The following ERMARD variants were observed in gnomAD, a reference collection of about 807,000 sequenced individuals.
The protein encoded by ERMARD is ER membrane associated RNA degradation.
In ERMARD, 71 loss-of-function variants were observed where a neutral mutation model predicts 83.9. The observed-to-expected ratio is 0.85, with a 90% CI of 0.70 to 1.03. The LOEUF (loss-of-function observed/expected upper bound fraction) is 1.03. Ranked by LOEUF, ERMARD falls within the 50% of genes least tolerant of loss-of-function variation. The pLI is 0.00. For missense variants in ERMARD, 838 were observed against 810.9 expected, an observed-to-expected ratio of 1.03 and a Z score of -0.41; for synonymous variants, 284 against 298.6, an observed-to-expected ratio of 0.95 and a Z score of 0.50.
Position 169,776,437 on chromosome 6 carries a change from G to A in ERMARD, c.1521-18G>A. Reference sequence around the variant, plus strand: ...GTGAGGATCATGATGCCTGCTCCAAGTCTGGCTCTGTTTGCAGGTGGCCCC... The same window carrying A: ...GTGAGGATCATGATGCCTGCTCCAAATCTGGCTCTGTTTGCAGGTGGCCCC... On this transcript the variant is annotated intron_variant, in intron 15 of 17. Coordinates refer to ENST00000366773, the MANE Select transcript of ERMARD (RefSeq NM_018341.3). 6.2e-7 allele frequency: 1 copy of A among 1,609,838 alleles called. No homozygotes were observed. The highest frequency in any genetic ancestry group is 8.5e-7 in the Non-Finnish European group (1 of 1,178,014).
chr6:169,762,723 G>A (rs1375599075), intron 9 of ERMARD, among the ~76,000 whole-genome samples, 192 bp downstream of exon 9: 2 of 152,152 alleles, frequency 1.3e-5, no homozygotes, highest in Admixed American at 1.3e-4. Context: ...TGATATTTCT[G>A]TAATATTTCT....
chr6:169,778,959 A>G (rs1562354137), intron 16 of ERMARD, among the ~76,000 whole-genome samples: 1 of 152,228 alleles, frequency 6.6e-6, no homozygotes, highest in African/African-American at 2.4e-5. Flanking sequence ...AGAGCAAGAA[A>G]TGCGGACGTG....
chr6:169,751,789 T>G, intron 1 of ERMARD, 126 bp downstream of exon 1: 1 of 1,333,448 alleles, frequency 7.5e-7, no homozygotes, highest in Non-Finnish European at 9.8e-7. Flanking sequence ...GGTCCCGCGC[T>G]GGAGGGCGCT....
chr6:169,769,460 T>C, intron 11 of ERMARD, 80 bp from the exon 12 acceptor site: 4 of 1,358,766 alleles, frequency 2.9e-6, no homozygotes, highest in Non-Finnish European at 3.9e-6. Context: ...GATGCACTCT[T>C]TCCTTCTATT....
At chr6:169,762,345 G>A in intron 8 of ERMARD, 84 bp from the exon 9 acceptor site, 2 of 1,281,394 alleles carry the variant, frequency 1.6e-6, no homozygotes, top group Middle Eastern at 3.8e-4. Context: ...AAAATGCTGG[G>A]ATTACAGGCA....
chr6:169,775,430 T>A, intron 14 of ERMARD, 84 bp downstream of exon 14: 1 of 1,471,994 alleles, frequency 6.8e-7, no homozygotes, highest in Non-Finnish European at 9.4e-7. Context: ...AACGAGGCTG[T>A]GGGAAGATAA....
At chr6:169,763,076 C>T (rs144461667) in intron 9 of ERMARD, among the ~76,000 whole-genome samples, 4 of 152,308 alleles carry the variant, frequency 2.6e-5, no homozygotes, top group South Asian at 2.1e-4. Flanking sequence ...GACCCCCGGT[C>T]GCCCTGTCTG....
intron 12 of ERMARD, 151 bp downstream of exon 12, chr6:169,769,864 T>A (rs1476960412): frequency 1.6e-6 from 1 of 644,230 alleles, no homozygotes; most frequent in Non-Finnish European, 2.5e-6. Context: ...ATGGATTACA[T>A]GTATGTTTAT....
At chr6:169,778,433 C>T (rs555677173) in intron 16 of ERMARD, among the ~76,000 whole-genome samples, 1 of 152,202 alleles carries the variant, frequency 6.6e-6, no homozygotes, top group African/African-American at 2.4e-5. Flanking sequence ...TAAAATATAA[C>T]AGCAGATTAA....
chr6:169,760,595 TCAG>T, intron 7 of ERMARD, 44 bp from the exon 8 acceptor site: 1 of 1,354,002 alleles, frequency 7.4e-7, no homozygotes, highest in Non-Finnish European at 1.0e-6. Flanking sequence ...CCATCTTTTT[TCAG>T]TTGATCAGTA....
Position 169,758,871 on chromosome 6 carries a change from C to G in ERMARD, c.508-97C>G, listed in dbSNP as rs1226484682. 7 of 1,109,912 alleles carry G rather than the reference C, an allele frequency of 6.3e-6. No individual in the cohort carries two copies. The Admixed American group carries it at 1.5e-4, about 23-fold the overall frequency. The allele number at this position is 1,109,912 out of a possible 1,614,324, so 68.8% of individuals were successfully genotyped here. A position where few individuals can be genotyped will look rare whatever the true frequency, so the allele number is the denominator to read the frequency against. On this transcript the variant is annotated intron_variant, in intron 5 of 17. Transcript: ENST00000366773. ...GCTATATACTAGCCAAAACTGTTGA[C>G]TCTCAGTTAAAAAGAGGAACACAAA...
At chr6:169,765,897 G>T (rs978165149) in intron 9 of ERMARD, among the ~76,000 whole-genome samples, 3 of 103,816 alleles carry the variant, frequency 2.9e-5, no homozygotes, top group African/African-American at 1.4e-4. Flanking sequence ...CAGGCTGTCT[G>T]TCAAATCTCA....
At position 169,760,587 on chromosome 6, in the gene ERMARD, A is replaced by C. The variant is rs1791421755; in HGVS notation, c.743-55A>C. The stretch of plus-strand genomic sequence containing the variant: ...GGCATCACTCCCCCAGCATGTTTCC[A>C]TCTTTTTTCAGTTGATCAGTATGAT... On this transcript the variant is annotated intron_variant, in intron 7 of 17. Transcript: ENST00000366773. The C allele has an allele frequency of 5.4e-6, 7 of 1,308,146 alleles. No individual in the cohort carries two copies. The Admixed American group carries it at 1.3e-4, about 25-fold the overall frequency. The allele number at this position is 1,308,146 out of a possible 1,614,324, so 81.0% of individuals were successfully genotyped here.
In ERMARD at chr6:169,775,355, C is replaced by T; in HGVS notation, c.1394+9C>T. On this transcript the variant is annotated intron_variant, in intron 14 of 17. Coordinates refer to ENST00000366773, the MANE Select transcript of ERMARD (RefSeq NM_018341.3). ...ACTCGGCAAGCCGTCAGGTGCGTGGCATCCTGGGGCCTGGCTGACCTCAAG... is the reference window on the plus strand; with the variant it reads ...ACTCGGCAAGCCGTCAGGTGCGTGGTATCCTGGGGCCTGGCTGACCTCAAG... 4 of 1,613,946 alleles carry T rather than the reference C, an allele frequency of 2.5e-6. No homozygotes were observed. The highest frequency in any genetic ancestry group is 3.4e-6 in the Non-Finnish European group (4 of 1,179,888).
chr6:169,756,729 T>G lies in ERMARD; in HGVS notation c.428T>G (p.Leu143Arg). 3.1e-6 allele frequency: 5 copies of G among 1,613,992 alleles called. No homozygotes were observed. The highest frequency in any genetic ancestry group is 4.2e-6 in the Non-Finnish European group (5 of 1,179,982). Reference protein sequence around the residue: ...LERALGDVFLLIGKECPFLLR... With the variant: ...LERALGDVFLRIGKECPFLLR... ...TTGTTTGAATTTTAGGTATTTTTAC[T>G]GATTGGGAAGGAATGCCCCTTTCTT... Residue 143 changes from leucine to arginine, a missense_variant, in exon 5 of 18, where the codon CTG becomes CGG. Coordinates refer to ENST00000366773, the MANE Select transcript of ERMARD (RefSeq NM_018341.3).
chr6:169,763,847 G>A (rs1342746802), intron 9 of ERMARD, among the ~76,000 whole-genome samples: 1 of 152,254 alleles, frequency 6.6e-6, no homozygotes, highest in African/African-American at 2.4e-5. Context: ...GGCAGCTTAC[G>A]GCCCCGGAGC....
chr6:169,771,557 G>A (rs1792919752), intron 12 of ERMARD: 1 of 152,168 alleles, frequency 6.6e-6, no homozygotes, highest in Admixed American at 6.5e-5. Flanking sequence ...CTCGTGGATT[G>A]AGTTAGGGAT....
rs745648710 is a variant in ERMARD at position 169,775,975 on chromosome 6, CTT to C, written c.1432_1433del (p.Leu478AspfsTer7). On this transcript the variant is annotated frameshift_variant, in exon 15 of 18. Transcript: ENST00000366773. LOFTEE classifies it high-confidence loss of function. ...AATTCTGAAACAAATGCCTGCCACT[CTT>C]TGATTACAAAAATGACGGATGAGCT... The C allele has an allele frequency of 6.2e-7, 1 of 1,614,184 alleles. No individual in the cohort carries two copies. Among genetic ancestry groups the C allele is most frequent in the South Asian group, 1.1e-5 (1 of 91,064 alleles).
chr6:169,776,489 C>A lies in ERMARD; in HGVS notation c.1555C>A (p.Pro519Thr). Residue 519 changes from proline (P) to threonine (T), a missense_variant, in exon 16 of 18, where the codon CCT (proline) becomes ACT (threonine). Transcript: ENST00000366773. ...GCTTCTCCGTGAGCTCTGCAGCACA[C>A]CTGTTCCCACCCTGTTCTGCCCCAG... ...PQLLRELCST[P>T]VPTLFCPRIV... 1 of 1,614,140 alleles carries A rather than the reference C, an allele frequency of 6.2e-7. No individual in the cohort carries two copies. The highest frequency in any genetic ancestry group is 8.5e-7 in the Non-Finnish European group (1 of 1,180,032).
Sources: allele counts gnomAD v4.1 joint callset (sites outside exome capture counted in the v4.1 genomes callset), GRCh38; gene constraint gnomAD v4.1.1; transcripts MANE v1.5; gene names NCBI Gene and HGNC (gene_info 2026-07-23, HGNC 2026-07-21).